STK32A: variants seen among roughly 807,000 people sequenced by gnomAD.
STK32A encodes serine/threonine kinase 32A.
A neutral mutation model predicts 53.2 loss-of-function variants in STK32A; 41 were observed. That is an observed-to-expected ratio of 0.77 (90% CI 0.60 to 1.00). The LOEUF is 1.00. STK32A is among the 50% of genes least tolerant of loss of function. STK32A has a pLI of 0.00. For missense variants in STK32A, 458 were observed against 485.8 expected (o/e 0.94, Z 0.54); for synonymous variants, 166 against 162.8 (o/e 1.02, Z -0.15).
At chr5:147,305,379 T>TTCCCTCAGTGCGCAAGTGGGC (rs1753354390) in intron 4 of STK32A, among the ~76,000 whole-genome samples, 1 of 152,120 alleles carries the variant, frequency 6.6e-6, no homozygotes, top group Non-Finnish European at 1.5e-5. Context: ...CTCCACCCAC[T>TTCCCTCAGTGCGCAAGTGGGC]TCCCTCAGTG....
intron 4 of STK32A, among the ~76,000 whole-genome samples, chr5:147,318,775 CAAAAA>C (rs5872017): frequency 7.4e-6 from 1 of 135,426 alleles, no homozygotes. Context: ...GACCCTGTCT[CAAAAA>C]AAAAAAAAAA....
chr5:147,349,927 A>G (rs1323946201), intron 6 of STK32A, among the ~76,000 whole-genome samples: 1 of 152,038 alleles, frequency 6.6e-6, no homozygotes, highest in Admixed American at 6.6e-5. Context: ...CCTGACCAAC[A>G]TGGTGAAATC....
At chr5:147,248,117 G>A (rs1407971451) in intron 2 of STK32A, among the ~76,000 whole-genome samples, 50 of 109,198 alleles carry the variant, frequency 4.6e-4, no homozygotes, top group African/African-American at 5.7e-4. Flanking sequence ...GCAAAACTCC[G>A]TCTCAAAAAA....
chr5:147,366,440 T>G (rs1756749539), intron 8 of STK32A, among the ~76,000 whole-genome samples: 1 of 152,222 alleles, frequency 6.6e-6, no homozygotes, highest in African/African-American at 2.4e-5. Context: ...GACACACTAT[T>G]AAACTATTCC....
At chr5:147,303,034 A>G (rs1290966780) in intron 4 of STK32A, among the ~76,000 whole-genome samples, 1 of 152,202 alleles carries the variant, frequency 6.6e-6, no homozygotes, top group East Asian at 1.9e-4. Flanking sequence ...TATACAAATT[A>G]GAGCTAGTAA....
intron 7 of STK32A, among the ~76,000 whole-genome samples, chr5:147,360,236 GC>G (rs1197837823): frequency 2.6e-5 from 4 of 151,980 alleles, no homozygotes; most frequent in Non-Finnish European, 5.9e-5. Flanking sequence ...GATCACCTAA[GC>G]CCAGGAGTTC....
intron 4 of STK32A, among the ~76,000 whole-genome samples, chr5:147,304,545 C>G (rs955881205): frequency 2.0e-5 from 3 of 151,988 alleles, no homozygotes; most frequent in African/African-American, 7.3e-5. Flanking sequence ...GCCATTTAGA[C>G]CAGGGACTTG....
intron 2 of STK32A, 34 bp downstream of exon 2, chr5:147,239,720 A>G: frequency 6.5e-7 from 1 of 1,544,018 alleles, no homozygotes; most frequent in Non-Finnish European, 8.8e-7. Flanking sequence ...TATAAAAAAT[A>G]GAATTTTGCA....
the STK32A span, chr5:147,400,958 C>A: frequency 8.0e-7 from 1 of 1,251,820 alleles, no homozygotes. Flanking sequence ...GCCTCCTCTA[C>A]CTCTTACTAG....
chr5:147,306,138 T>A (rs1427256587), intron 4 of STK32A, among the ~76,000 whole-genome samples: 1 of 152,020 alleles, frequency 6.6e-6, no homozygotes, highest in African/African-American at 2.4e-5. Flanking sequence ...TATTTAACTC[T>A]GGGTGTTCCA....
chr5:147,282,914 T>C (rs770222925), intron 4 of STK32A, among the ~76,000 whole-genome samples: 1 of 152,110 alleles, frequency 6.6e-6, no homozygotes, highest in South Asian at 2.1e-4. Flanking sequence ...AAAGAAACAA[T>C]GGATTTAAAC....
At chr5:147,336,679 A>G (rs1220958847) in intron 5 of STK32A, among the ~76,000 whole-genome samples, 1 of 152,202 alleles carries the variant, frequency 6.6e-6, no homozygotes, top group Non-Finnish European at 1.5e-5. Flanking sequence ...GTCTTTAATC[A>G]TCTAACCCTG....
chr5:147,349,592 C>T (rs900207914), intron 6 of STK32A, among the ~76,000 whole-genome samples: 6 of 152,074 alleles, frequency 3.9e-5, no homozygotes, highest in Admixed American at 6.5e-5. Flanking sequence ...AGAGTGTGTT[C>T]CCTGCCACGT....
At chr5:147,348,601 G>A in intron 6 of STK32A, 1 of 716,256 alleles carries the variant, frequency 1.4e-6, no homozygotes, top group Non-Finnish European at 2.6e-6. Flanking sequence ...TCTTGTAGCT[G>A]AGTCAGCTTG....
At chr5:147,307,972 T>G (rs896518045) in intron 4 of STK32A, among the ~76,000 whole-genome samples, 4 of 152,146 alleles carry the variant, frequency 2.6e-5, no homozygotes, top group African/African-American at 9.6e-5. Flanking sequence ...ATCTTTGGAT[T>G]ATGTTGGCTA....
intron 7 of STK32A, among the ~76,000 whole-genome samples, chr5:147,358,737 A>AT (rs970141947): frequency 1.5e-4 from 22 of 151,506 alleles, no homozygotes; most frequent in East Asian, 5.8e-4. Flanking sequence ...CAAGGCATAG[A>AT]TTTTTTTTTG....
At chr5:147,322,927 C>T (rs1195372145) in intron 4 of STK32A, among the ~76,000 whole-genome samples, 3 of 152,166 alleles carry the variant, frequency 2.0e-5, no homozygotes, top group Non-Finnish European at 2.9e-5. Context: ...TTATGGGATC[C>T]GGATTCTGCC....
At chr5:147,369,140 A>T (rs578168013) in intron 8 of STK32A, among the ~76,000 whole-genome samples, 20 of 152,128 alleles carry the variant, frequency 1.3e-4, no homozygotes, top group Non-Finnish European at 2.4e-4. Context: ...TCTACTATAT[A>T]ATTACCAAGA....
In STK32A at chr5:147,383,870, T is replaced by C. The variant is rs756456289; in HGVS notation, c.1098-20T>C. 6.9e-6 allele frequency: 10 copies of C among 1,456,750 alleles called. No homozygotes were observed. The highest frequency in any genetic ancestry group is 2.1e-5 in the Admixed American group (1 of 46,708). The allele number at this position is 1,456,750 out of a possible 1,614,324, so 90.2% of individuals were successfully genotyped here. On this transcript the variant is annotated intron_variant, in intron 12 of 12. Transcript: ENST00000397936. The stretch of plus-strand genomic sequence containing the variant: ...ATTTTTCAAAGAATAAAACATCTTT[T>C]TTTTTCTTTTCTTTTTAAGAGTAAA...
Sources: gnomAD v4.1 joint callset for allele counts (sites outside exome capture counted in the v4.1 genomes callset) on GRCh38, gnomAD v4.1.1 for gene constraint, MANE v1.5 for transcripts, NCBI Gene and HGNC (gene_info 2026-07-23, HGNC 2026-07-21) for gene names.